The following ASH1L variants were observed in gnomAD, a reference collection of about 807,000 sequenced individuals.
ASH1L encodes ASH1 like histone lysine methyltransferase, also known as histone-lysine N-methyltransferase ASH1L.
ASH1L carries 23 observed loss-of-function variants against 269.0 expected under a neutral mutation model. The ratio of observed to expected loss-of-function variants is 0.09; its 90% CI spans 0.06 to 0.12. The LOEUF (loss-of-function observed/expected upper bound fraction) is 0.12. ASH1L is among the 10% of genes least tolerant of loss of function. The pLI is 1.00. For missense variants in ASH1L, 2,912 were observed against 3,567.8 expected (o/e 0.82, Z 4.68); for synonymous variants, 1,187 against 1,253.5 (o/e 0.95, Z 1.12).
rs1340085478 is a variant in ASH1L, at chr1:155,482,331, G to A, written c.539C>T (p.Pro180Leu). 6.2e-7 allele frequency: 1 copy of A among 1,614,130 alleles called. No individual in the cohort carries two copies. Among genetic ancestry groups the A allele is most frequent in the Non-Finnish European group, 8.5e-7 (1 of 1,180,014 alleles). ...ENNPLSKKLS[P>L]VHSEMADYIN... ...ATAATCTGCCATTTCTGAGTGTACT[G>A]GAGACAGCTTCTTAGACAAAGGATT... is the stretch of plus-strand genomic sequence containing the variant. Residue 180 changes from proline to leucine, a missense_variant, in exon 3 of 28, where the codon CCA becomes CTA. Around this residue, in one of 13 missense-constraint regions of ASH1L, gnomAD observed 277 missense variants for 367.7 expected, o/e 0.75. Transcript: ENST00000392403.
intron 12 of ASH1L, among the ~76,000 whole-genome samples, chr1:155,362,095 GC>G (rs1456539435): frequency 6.6e-6 from 1 of 151,806 alleles, no homozygotes; most frequent in East Asian, 1.9e-4. Context: ...GAGTGCAGTG[GC>G]AGAATCTCGG....
chr1:155,534,160 C>T (rs551934996), intron 1 of ASH1L, among the ~76,000 whole-genome samples: 2 of 145,810 alleles, frequency 1.4e-5, no homozygotes, highest in Non-Finnish European at 3.0e-5. Flanking sequence ...GGAAACAGGC[C>T]GAGATCCAAT....
intron 1 of ASH1L, among the ~76,000 whole-genome samples, chr1:155,534,012 A>C (rs1669873695): frequency 6.6e-6 from 1 of 151,752 alleles, no homozygotes; most frequent in South Asian, 2.1e-4. Context: ...GGTCTCATGA[A>C]CTTTAAGTGC....
In ASH1L at chr1:155,550,413, G is replaced by A. The variant is rs142863141; in HGVS notation, c.-100+11740C>T. Among the ~76,000 whole-genome samples the A allele has an allele frequency of 1.5e-3, 234 of 152,230 alleles. 1 individual carries two copies. The highest frequency in any genetic ancestry group is 3.0e-3 in the Non-Finnish European group (204 of 68,018). On this transcript the variant is annotated intron_variant, in intron 1 of 27. Transcript: ENST00000392403. ...CATTTCCCTGCTTCCAATCAAACTT[G>A]AAATACAAAACTAGATACCTATCAA...
chr1:155,545,208 G>C (rs1246107289), intron 1 of ASH1L, among the ~76,000 whole-genome samples: 1 of 24,828 alleles, frequency 4.0e-5, no homozygotes, highest in Non-Finnish European at 9.7e-5. Context: ...AAAAAAAAAA[G>C]CTATGTTTTA....
chr1:155,489,259 T>C (rs36035038), intron 2 of ASH1L, among the ~76,000 whole-genome samples: 15,634 of 151,402 alleles, frequency 0.1, 1,061 homozygotes, highest in Non-Finnish European at 0.16. Context: ...GAACATCAGG[T>C]CAGGAGTTTG....
chr1:155,535,017 T>C (rs1669952799), intron 1 of ASH1L, among the ~76,000 whole-genome samples: 1 of 152,004 alleles, frequency 6.6e-6, no homozygotes, highest in Non-Finnish European at 1.5e-5. Context: ...GTGAAACTCT[T>C]TTCTCTACTA....
In ASH1L at chr1:155,388,968, C is replaced by G. The variant is rs1158309796; in HGVS notation, c.6103+6491G>C. Among the ~76,000 whole-genome samples the G allele has an allele frequency of 3.3e-5, 5 of 152,038 alleles. No homozygotes were observed. In the East Asian group the frequency reaches 9.7e-4, roughly 29 times the overall value. On this transcript the variant is annotated intron_variant, in intron 7 of 27. Coordinates refer to ENST00000392403, the MANE Select transcript of ASH1L (RefSeq NM_018489.3). ...AAGCGATCTTCTCTCCTCGGCCTCC[C>G]AAAGTGCTGGGATTACAGGCATGAG...
intron 4 of ASH1L, among the ~76,000 whole-genome samples, chr1:155,445,654 C>T (rs947545417): frequency 2.0e-5 from 3 of 152,060 alleles, no homozygotes; most frequent in Non-Finnish European, 4.4e-5. Flanking sequence ...AATCAGTCTG[C>T]CAGTTTATAT....
intron 5 of ASH1L, among the ~76,000 whole-genome samples, chr1:155,435,222 G>C (rs564195850): frequency 6.6e-6 from 1 of 152,170 alleles, no homozygotes; most frequent in South Asian, 2.1e-4. Context: ...AGTTGGGAAT[G>C]GCTAAACTAA....
chr1:155,385,922 G>A (rs934760549), intron 7 of ASH1L, among the ~76,000 whole-genome samples: 1 of 152,092 alleles, frequency 6.6e-6, no homozygotes, highest in Non-Finnish European at 1.5e-5. Context: ...CACTGACATT[G>A]TGGTGGGGTA....
At chr1:155,544,296 T>A (rs1174264654) in intron 1 of ASH1L, among the ~76,000 whole-genome samples, 5 of 151,952 alleles carry the variant, frequency 3.3e-5, no homozygotes, top group Non-Finnish European at 7.4e-5. Context: ...CCCCCTTTTT[T>A]TTTTTTTTGA....
At chr1:155,442,049 G>T (rs1284984695) in intron 4 of ASH1L, among the ~76,000 whole-genome samples, 1 of 152,092 alleles carries the variant, frequency 6.6e-6, no homozygotes, top group African/African-American at 2.4e-5. Context: ...TTATAGGTAT[G>T]AGCCGCCTGC....
chr1:155,554,728 G>GT (rs776162065), intron 1 of ASH1L, among the ~76,000 whole-genome samples: 1 of 152,144 alleles, frequency 6.6e-6, no homozygotes, highest in Non-Finnish European at 1.5e-5. Flanking sequence ...AAAAAACACT[G>GT]TATGTCTTTT....
upstream of ASH1L, chr1:155,562,952 CG>C: frequency 2.2e-6 from 1 of 457,304 alleles, no homozygotes; most frequent in South Asian, 1.5e-5. Context: ...ATCCCCCCCG[CG>C]GGACTGTTCC....
intron 1 of ASH1L, among the ~76,000 whole-genome samples, chr1:155,548,259 C>A (rs558324825): frequency 6.6e-6 from 1 of 152,128 alleles, no homozygotes; most frequent in African/African-American, 2.4e-5. Flanking sequence ...CAGTGGCTCA[C>A]GCCTGTAATC....
At position 155,343,294 on chromosome 1, in the gene ASH1L, A is replaced by T; in HGVS notation, c.8293+20T>A. On this transcript the variant is annotated intron_variant, in intron 24 of 27. Transcript: ENST00000392403. The surrounding 1 kb of genome is among the most constrained non-coding windows in gnomAD (Gnocchi z 6.1). ...CTGCACTTGGCCGAGGTCATTTTTT[A>T]ACTAGCCCAGATCACTTACCTTTAC... 1.9e-6 allele frequency: 3 copies of T among 1,599,464 alleles called. No homozygotes were observed. The East Asian group carries it at 6.7e-5, about 36-fold the overall frequency.
rs1196119524 is a variant in ASH1L, at chr1:155,347,639, C to A, written c.7803+17G>T. The A allele has an allele frequency of 3.7e-6, 6 of 1,612,900 alleles. No individual in the cohort carries two copies. The highest frequency in any genetic ancestry group is 5.1e-6 in the Non-Finnish European group (6 of 1,179,588). On this transcript the variant is annotated intron_variant, in intron 20 of 27. Coordinates refer to ENST00000392403, the MANE Select transcript of ASH1L (RefSeq NM_018489.3). ...GTTCATCAGGACCAAGCTTCTGCTT[C>A]ATTTCCTGACCCTCACCATGCACTT...
intron 4 of ASH1L, among the ~76,000 whole-genome samples, chr1:155,455,847 C>A (rs1663826355): frequency 6.6e-6 from 1 of 152,158 alleles, no homozygotes; most frequent in African/African-American, 2.4e-5. Flanking sequence ...TTAGTAAGAG[C>A]TTGTGGTCAG....
Sources: allele counts gnomAD v4.1 joint callset (sites outside exome capture counted in the v4.1 genomes callset), GRCh38; gene constraint gnomAD v4.1.1; regional missense constraint gnomAD v4.1.1; non-coding constraint Gnocchi (gnomAD v3.1); transcripts MANE v1.5; gene names NCBI Gene and HGNC (gene_info 2026-07-23, HGNC 2026-07-21).